Variants in RABL3 observed in about 807,000 individuals in gnomAD.
RABL3 encodes rab-like protein 3.
A neutral mutation model predicts 31.8 loss-of-function variants in RABL3; 31 were observed. That is an observed-to-expected ratio of 0.97 (90% confidence interval 0.73 to 1.31). RABL3 has a LOEUF of 1.31. Among genes scored for constraint, RABL3 ranks in the 40% most tolerant of loss-of-function variants. RABL3 has a pLI of 0.00. For missense variants in RABL3, 263 were observed against 279.6 expected, an observed-to-expected ratio of 0.94 and a Z score of 0.42; for synonymous variants, 97 against 99.9, an observed-to-expected ratio of 0.97 and a Z score of 0.18.
At chr3:120,730,651 ATCTT>A in intron 2 of RABL3, 41 bp downstream of exon 2, 1 of 1,242,472 alleles carries the variant, frequency 8.0e-7, no homozygotes, top group African/African-American at 1.5e-5. Flanking sequence ...TGAAGCAGTT[ATCTT>A]TAGTACATTA....
At chr3:120,741,052 T>C (rs1402061983) in intron 1 of RABL3, among the ~76,000 whole-genome samples, 15 of 152,228 alleles carry the variant, frequency 9.9e-5, no homozygotes, top group Admixed American at 9.2e-4. Flanking sequence ...AAGGGATTGT[T>C]AGATACAATA....
chr3:120,716,894 T>C (rs903568213), intron 2 of RABL3, among the ~76,000 whole-genome samples: 5 of 152,158 alleles, frequency 3.3e-5, no homozygotes, highest in Admixed American at 2.0e-4. Context: ...CCATGACAAC[T>C]TAAGGTTATC....
At chr3:120,729,942 C>A (rs1344910948) in intron 2 of RABL3, among the ~76,000 whole-genome samples, 1 of 151,482 alleles carries the variant, frequency 6.6e-6, no homozygotes, top group Non-Finnish European at 1.5e-5. Flanking sequence ...CATAGGTTAG[C>A]AAAACAACAA....
intron 1 of RABL3, among the ~76,000 whole-genome samples, chr3:120,733,983 G>A (rs34384566): frequency 7.2e-5 from 11 of 152,158 alleles, no homozygotes; most frequent in South Asian, 2.1e-4. Flanking sequence ...GTCAGGTAGC[G>A]TGATGCCTCC....
chr3:120,728,658 T>C (rs1214914989), intron 2 of RABL3, among the ~76,000 whole-genome samples: 1 of 151,946 alleles, frequency 6.6e-6, no homozygotes, highest in Non-Finnish European at 1.5e-5. Flanking sequence ...CATTTGTAAC[T>C]AACCTGCACA....
upstream of RABL3, chr3:120,742,624 C>A: frequency 9.6e-7 from 1 of 1,038,678 alleles, no homozygotes; most frequent in South Asian, 1.3e-5. Context: ...CTGTCTTGAT[C>A]GAAGGTTTCA....
chr3:120,697,132 A>G (rs958558829), intron 5 of RABL3, among the ~76,000 whole-genome samples: 4 of 152,244 alleles, frequency 2.6e-5, no homozygotes, highest in African/African-American at 9.6e-5. Context: ...GGTAATATAA[A>G]TACACAATCA....
At chr3:120,742,370 G>C (rs769095518) in intron 1 of RABL3, 92 bp downstream of exon 1, 69 of 1,219,098 alleles carry the variant, frequency 5.7e-5, no homozygotes, top group Admixed American at 2.4e-4. Context: ...CACGGGCCGA[G>C]GAGCCAGGAA....
chr3:120,709,646 G>T, intron 3 of RABL3, 134 bp downstream of exon 3: 1 of 622,782 alleles, frequency 1.6e-6, no homozygotes, highest in Non-Finnish European at 2.7e-6. Flanking sequence ...GTACTATGCA[G>T]ATTTAAATCA....
chr3:120,732,155 A>G (rs758342808), intron 1 of RABL3, among the ~76,000 whole-genome samples: 1 of 152,234 alleles, frequency 6.6e-6, no homozygotes, highest in Non-Finnish European at 1.5e-5. Flanking sequence ...GTGATTATAT[A>G]CACAGTATAC....
chr3:120,724,123 G>A (rs918471117), intron 2 of RABL3, among the ~76,000 whole-genome samples: 1 of 152,148 alleles, frequency 6.6e-6, no homozygotes, highest in African/African-American at 2.4e-5. Flanking sequence ...AAATCAATGT[G>A]CAAAAATCAC....
intron 3 of RABL3, 31 bp from the exon 4 acceptor site, chr3:120,706,145 C>T: frequency 7.5e-7 from 1 of 1,336,510 alleles, no homozygotes; most frequent in Non-Finnish European, 1.1e-6. Flanking sequence ...AATGTTAATC[C>T]CTTAACAATT....
chr3:120,693,197 T>C (rs1447165246), intron 6 of RABL3, among the ~76,000 whole-genome samples: 1 of 152,052 alleles, frequency 6.6e-6, no homozygotes, highest in Non-Finnish European at 1.5e-5. Context: ...TTAAGAAGTT[T>C]TGCAGTGAAG....
chr3:120,696,156 C>T lies in RABL3; in HGVS notation c.535-1932G>A, dbSNP rs554839734. Among the ~76,000 whole-genome samples the T allele has an allele frequency of 6.1e-4, 93 of 152,216 alleles. No individual in the cohort carries two copies. In the South Asian group the frequency reaches 0.019, roughly 31 times the overall value. On this transcript the variant is annotated intron_variant, in intron 5 of 7. Transcript: ENST00000273375. The stretch of plus-strand genomic sequence containing the variant: ...TTTTAGAAAATAAGTAATGGTTCAC[C>T]TATTTATAATTTAAACAATTTGCAT...
At chr3:120,734,793 T>G (rs1356741163) in intron 1 of RABL3, among the ~76,000 whole-genome samples, 1 of 152,234 alleles carries the variant, frequency 6.6e-6, no homozygotes, top group African/African-American at 2.4e-5. Flanking sequence ...CTGCATCTAT[T>G]GAGATAATCA....
At chr3:120,690,591 A>G in intron 6 of RABL3, 104 bp from the exon 7 acceptor site, 1 of 757,496 alleles carries the variant, frequency 1.3e-6, no homozygotes, top group Admixed American at 2.3e-5. Context: ...CAAACTAAGA[A>G]TCTTTTCCAT....
intron 4 of RABL3, among the ~76,000 whole-genome samples, chr3:120,701,104 CATATT>C (rs1475795368): frequency 1.3e-5 from 2 of 152,010 alleles, no homozygotes; most frequent in Non-Finnish European, 2.9e-5. Context: ...AATATAAATA[CATATT>C]ATTTCTTTTC....
chr3:120,689,847 T>G lies in RABL3; in HGVS notation c.687A>C (p.Thr229=), dbSNP rs1708358731. The G allele has an allele frequency of 6.2e-7, 1 of 1,613,316 alleles. No individual in the cohort carries two copies. ...TTCAGTCATAATGAAGGCTCTTTAATGTTCCTGCCCCAAATCTTTTCCGAT... is the reference window on the plus strand; with the variant it reads ...TTCAGTCATAATGAAGGCTCTTTAAGGTTCCTGCCCCAAATCTTTTCCGAT... The part of the protein sequence containing the change: ...FPDRKRFGAG[T]LKSLHYD The change falls in exon 8 of 8, where the codon ACA becomes ACC. Residue 229 remains threonine (T), a synonymous_variant. Transcript: ENST00000273375.
At chr3:120,711,521 G>A (rs1291503748) in intron 2 of RABL3, among the ~76,000 whole-genome samples, 1 of 152,088 alleles carries the variant, frequency 6.6e-6, no homozygotes, top group Admixed American at 6.6e-5. Flanking sequence ...TAGCTAGAGT[G>A]ATCCTTTAAA....
Sources: allele counts gnomAD v4.1 joint callset (sites outside exome capture counted in the v4.1 genomes callset), GRCh38; gene constraint gnomAD v4.1.1; transcripts MANE v1.5; gene names NCBI Gene and HGNC (gene_info 2026-07-23, HGNC 2026-07-21).